The following DOK6 variants were observed in gnomAD, a reference collection of about 807,000 sequenced individuals.
DOK6 encodes the protein downstream of tyrosine kinase 6.
Under a neutral mutation model 44.0 loss-of-function variants are expected in DOK6, and 22 were observed. The ratio of observed to expected loss-of-function variants is 0.50; its 90% CI spans 0.36 to 0.71. The LOEUF is 0.71. Ranked by LOEUF, DOK6 falls within the 30% of genes least tolerant of loss-of-function variation. The pLI is 0.00. For missense variants in DOK6, 340 were observed against 416.4 expected, an observed-to-expected ratio of 0.82 and a Z score of 1.60; for synonymous variants, 166 against 145.5, an observed-to-expected ratio of 1.14 and a Z score of -1.01.
chr18:69,699,926 G>A (rs953414851), intron 5 of DOK6, among the ~76,000 whole-genome samples: 3 of 151,972 alleles, frequency 2.0e-5, no homozygotes, highest in African/African-American at 7.3e-5. Flanking sequence ...AGTCCCACGT[G>A]GCTAAGGAGG....
chr18:69,546,607 T>A (rs1248651817), intron 1 of DOK6, among the ~76,000 whole-genome samples: 1 of 151,708 alleles, frequency 6.6e-6, no homozygotes, highest in Non-Finnish European at 1.5e-5. Flanking sequence ...CAGTCCAAGT[T>A]ATATGCTCTT....
intron 1 of DOK6, among the ~76,000 whole-genome samples, chr18:69,459,522 C>T (rs568550577): frequency 3.1e-4 from 46 of 148,952 alleles, no homozygotes; most frequent in African/African-American, 1.1e-3. Context: ...CCTGCTATTA[C>T]AGTTGAGGAA....
At chr18:69,429,439 T>G (rs1044069356) in intron 1 of DOK6, among the ~76,000 whole-genome samples, 1 of 151,732 alleles carries the variant, frequency 6.6e-6, no homozygotes, top group Non-Finnish European at 1.5e-5. Context: ...TTACTACACA[T>G]GGATATTTTA....
At chr18:69,703,827 A>G (rs940397783) in intron 5 of DOK6, among the ~76,000 whole-genome samples, 4 of 152,230 alleles carry the variant, frequency 2.6e-5, no homozygotes, top group Admixed American at 1.3e-4. Flanking sequence ...TTATATCTTT[A>G]TGACAAGAGC....
chr18:69,413,594 C>T lies in DOK6; in HGVS notation c.66+12284C>T, dbSNP rs180874375. 6.6e-4 allele frequency among the ~76,000 whole-genome samples: 100 copies of T among 152,102 alleles called. No individual in the cohort carries two copies. The East Asian group carries it at 0.015, about 23-fold the overall frequency. On this transcript the variant is annotated intron_variant, in intron 1 of 7. Coordinates refer to ENST00000382713, the MANE Select transcript of DOK6 (RefSeq NM_152721.6). ...TAAGTGAAACTTCACATAAACTTCA[C>T]GCCTTGTAACTCAAAACAGGTCACA...
intron 2 of DOK6, among the ~76,000 whole-genome samples, chr18:69,564,985 C>T (rs140982942): frequency 1.6e-4 from 24 of 152,038 alleles, no homozygotes; most frequent in African/African-American, 5.8e-4. Flanking sequence ...ATATTGTTAA[C>T]GTATATGGCA....
chr18:69,741,827 A>G (rs1221683647), intron 6 of DOK6, among the ~76,000 whole-genome samples: 1 of 152,204 alleles, frequency 6.6e-6, no homozygotes, highest in East Asian at 1.9e-4. Context: ...ATTTCCAACA[A>G]GTATGAAAGA....
chr18:69,668,121 C>G (rs1211787477), intron 3 of DOK6, among the ~76,000 whole-genome samples: 1 of 152,038 alleles, frequency 6.6e-6, no homozygotes, highest in Non-Finnish European at 1.5e-5. Context: ...CCCTCATACT[C>G]TGCTTGCAAA....
chr18:69,723,061 T>A (rs1289952753), intron 5 of DOK6, among the ~76,000 whole-genome samples: 1 of 152,182 alleles, frequency 6.6e-6, no homozygotes, highest in East Asian at 1.9e-4. Context: ...CCTAATCAAC[T>A]ATAAGTATTT....
intron 7 of DOK6, among the ~76,000 whole-genome samples, chr18:69,769,640 T>C (rs1412223784): frequency 2.0e-5 from 3 of 152,132 alleles, no homozygotes; most frequent in Non-Finnish European, 4.4e-5. Flanking sequence ...GCATAATCAG[T>C]TTTACTGTTT....
At chr18:69,756,525 C>G (rs1380534732) in intron 6 of DOK6, among the ~76,000 whole-genome samples, 1 of 152,152 alleles carries the variant, frequency 6.6e-6, no homozygotes, top group East Asian at 1.9e-4. Context: ...TGCCTTACTA[C>G]TAAGAAAGTA....
intron 6 of DOK6, among the ~76,000 whole-genome samples, chr18:69,752,039 T>TA (rs71989648): frequency 0.068 from 10,339 of 151,628 alleles, 542 homozygotes; most frequent in African/African-American, 0.13. Flanking sequence ...CTTGAGAAGG[T>TA]AAAAAAAATA....
chr18:69,757,686 A>G, intron 6 of DOK6, 70 bp from the exon 7 acceptor site: 1 of 1,287,262 alleles, frequency 7.8e-7, no homozygotes, highest in Non-Finnish European at 1.1e-6. Flanking sequence ...TTAACCCTGA[A>G]TATTTAGAAG....
chr18:69,411,074 A>G (rs1978303970), intron 1 of DOK6, among the ~76,000 whole-genome samples: 1 of 152,184 alleles, frequency 6.6e-6, no homozygotes, highest in Non-Finnish European at 1.5e-5. Context: ...TATATAGCAC[A>G]TACCTCTCGA....
intron 1 of DOK6, among the ~76,000 whole-genome samples, chr18:69,535,817 T>C (rs923625301): frequency 2.0e-5 from 3 of 151,980 alleles, no homozygotes; most frequent in African/African-American, 7.2e-5. Flanking sequence ...ATCTACAGAG[T>C]TCTGAGTCAC....
At chr18:69,524,760 A>C (rs903357128) in intron 1 of DOK6, among the ~76,000 whole-genome samples, 1 of 151,916 alleles carries the variant, frequency 6.6e-6, no homozygotes, top group Non-Finnish European at 1.5e-5. Flanking sequence ...TTTCAACCTA[A>C]TTTTTAAAAC....
chr18:69,482,987 C>T (rs756167042), intron 1 of DOK6, among the ~76,000 whole-genome samples: 1 of 151,644 alleles, frequency 6.6e-6, no homozygotes, highest in African/African-American at 2.4e-5. Context: ...TTTCATAACC[C>T]AGGTATTAAG....
chr18:69,587,210 T>C (rs1215809953), intron 2 of DOK6, among the ~76,000 whole-genome samples: 3 of 152,308 alleles, frequency 2.0e-5, no homozygotes, highest in African/African-American at 4.8e-5. Context: ...TCTCTTACAG[T>C]TCTGGATGCC....
chr18:69,694,089 A>AAAAAAAAAAAAAAAAAAAAAT (rs1372739323), intron 4 of DOK6, among the ~76,000 whole-genome samples: 1 of 144,242 alleles, frequency 6.9e-6, no homozygotes, highest in Non-Finnish European at 1.5e-5. Flanking sequence ...AAAAAAAAAA[A>AAAAAAAAAAAAAAAAAAAAAT]ATTGATCTAT....
Sources: allele counts gnomAD v4.1 joint callset (sites outside exome capture counted in the v4.1 genomes callset), GRCh38; gene constraint gnomAD v4.1.1; transcripts MANE v1.5; gene names NCBI Gene and HGNC (gene_info 2026-07-23, HGNC 2026-07-21).